EFHD2: variants seen among roughly 807,000 people sequenced by gnomAD.
EFHD2 encodes EF-hand domain family member D2.
A neutral mutation model predicts 20.3 loss-of-function variants in EFHD2; 12 were observed. That is an observed-to-expected ratio of 0.59 (90% CI 0.38 to 0.96). The LOEUF (loss-of-function observed/expected upper bound fraction) is 0.96. Among genes scored for constraint, EFHD2 ranks in the 40% least tolerant of loss-of-function variants. The probability of loss-of-function intolerance (pLI) is 0.00; values close to 1 mark genes in which losing one functional copy is unlikely to be tolerated. For synonymous variants in EFHD2, 131 were observed against 143.9 expected, an observed-to-expected ratio of 0.91 and a Z score of 0.64; for missense variants, 250 against 334.3, an observed-to-expected ratio of 0.75 and a Z score of 1.97.
At chr1:15,421,446 A>G (rs929279264) in intron 1 of EFHD2, among the ~76,000 whole-genome samples, 1 of 151,764 alleles carries the variant, frequency 6.6e-6, no homozygotes, top group Non-Finnish European at 1.5e-5. Context: ...TTGGTGATGG[A>G]CTCTTTGGCA....
chr1:15,422,957 C>T (rs1245299822), intron 1 of EFHD2, among the ~76,000 whole-genome samples: 6 of 152,156 alleles, frequency 3.9e-5, no homozygotes, highest in Non-Finnish European at 4.4e-5. Context: ...CCTTGGGAGC[C>T]CAGGGTCAGA....
At chr1:15,425,721 T>C (rs1267057826) in intron 1 of EFHD2, 150 bp from the exon 2 acceptor site, 6 of 1,102,156 alleles carry the variant, frequency 5.4e-6, no homozygotes, top group Non-Finnish European at 7.6e-6. Context: ...CACATATGGG[T>C]CCTCTGCCTG....
chr1:15,424,173 G>A (rs368901645), intron 1 of EFHD2, among the ~76,000 whole-genome samples: 5 of 149,064 alleles, frequency 3.4e-5, no homozygotes, highest in Admixed American at 1.3e-4. Flanking sequence ...GCAACACCCC[G>A]TCTCAAAAAG....
rs905559730 is a variant in EFHD2, at chr1:15,430,016, G to T, written c.*1292G>T. ...AACGACGTCACTGCTTTTTAAACTC[G>T]ATAACTCTTTATTTTAGTAAAATGC... On this transcript the variant is annotated 3_prime_UTR_variant, in exon 4 of 4. Coordinates refer to ENST00000375980, the MANE Select transcript of EFHD2 (RefSeq NM_024329.6). The T allele has an allele frequency of 6.6e-6, 1 of 152,594 alleles. No homozygotes were observed. Among genetic ancestry groups the T allele is most frequent in the African/African-American group, 2.4e-5 (1 of 41,450 alleles). The allele number at this position is 152,594 out of a possible 1,614,324, so 9.5% of individuals were successfully genotyped here. A position where few individuals can be genotyped will look rare whatever the true frequency, so the allele number is the denominator to read the frequency against.
intron 1 of EFHD2, among the ~76,000 whole-genome samples, chr1:15,424,987 A>G (rs2103279197): frequency 6.6e-6 from 1 of 152,186 alleles, no homozygotes; most frequent in East Asian, 1.9e-4. Context: ...GTCACAACTC[A>G]GGAGGGATGC....
rs1248110443 is a variant in EFHD2 at position 15,426,711 on chromosome 1, G to A, written c.457-439G>A. 6.6e-6 allele frequency among the ~76,000 whole-genome samples: 1 copy of A among 152,136 alleles called. No individual in the cohort carries two copies. Among genetic ancestry groups the A allele is most frequent in the Non-Finnish European group, 1.5e-5 (1 of 68,006 alleles). ...AGTGCAGGGTAACAGCTTAGAGTTC[G>A]AGAGCAGGGTTCCATCCCTCTGACA... On this transcript the variant is annotated intron_variant, in intron 2 of 3. Coordinates refer to ENST00000375980, the MANE Select transcript of EFHD2 (RefSeq NM_024329.6). This position sits in a 1 kb window ranked among gnomAD's most constrained non-coding sequence, Gnocchi z 4.6.
chr1:15,410,307 G>A (rs771204545), intron 1 of EFHD2, 28 bp downstream of exon 1: 11 of 1,308,034 alleles, frequency 8.4e-6, no homozygotes, highest in African/African-American at 1.6e-5. Context: ...CCGGCCCCCC[G>A]CCCGCCCCGC....
Position 15,426,011 on chromosome 1 carries a change from TC to T in EFHD2, c.451del (p.Arg151GlyfsTer5). Reference sequence around the variant, plus strand: ...GAGGACTTTGACAGCAAGCTGAGCTTCCGGGAGGTAAGCCCGGCCCCCAGCC... The same window carrying T: ...GAGGACTTTGACAGCAAGCTGAGCTTCGGGAGGTAAGCCCGGCCCCCAGCC... ...VDEDFDSKLS[F>X]REFLLIFRKA... On this transcript the variant is annotated frameshift_variant, in exon 2 of 4. Coordinates refer to ENST00000375980, the MANE Select transcript of EFHD2 (RefSeq NM_024329.6). LOFTEE classifies it high-confidence loss of function. This position sits in a 1 kb window ranked among gnomAD's most constrained non-coding sequence, Gnocchi z 4.6. 8 of 1,581,610 alleles carry T rather than the reference TC, an allele frequency of 5.1e-6. No individual in the cohort carries two copies. The highest frequency in any genetic ancestry group is 6.9e-6 in the Non-Finnish European group (8 of 1,165,852).
In EFHD2 at chr1:15,413,692, G is replaced by A. The variant is rs1402367783; in HGVS notation, c.308+3413G>A. On this transcript the variant is annotated intron_variant, in intron 1 of 3. Coordinates refer to ENST00000375980, the MANE Select transcript of EFHD2 (RefSeq NM_024329.6). The surrounding 1 kb of genome is among the most constrained non-coding windows in gnomAD (Gnocchi z 4.4). ...TGACAGAAGAGGGAACCAAGACCCAGAAAGATGTGGCGGTGACTTGCTCGG... is the reference window on the plus strand; with the variant it reads ...TGACAGAAGAGGGAACCAAGACCCAAAAAGATGTGGCGGTGACTTGCTCGG... Among the ~76,000 whole-genome samples, 1 of 152,186 alleles carries A rather than the reference G, an allele frequency of 6.6e-6. No individual in the cohort carries two copies. Among genetic ancestry groups the A allele is most frequent in the Non-Finnish European group, 1.5e-5 (1 of 68,030 alleles).
intron 1 of EFHD2, among the ~76,000 whole-genome samples, chr1:15,423,809 TC>T (rs1707830560): frequency 6.6e-6 from 1 of 152,134 alleles, no homozygotes; most frequent in Non-Finnish European, 1.5e-5. Flanking sequence ...CTGGAACACA[TC>T]CACCTGTGTT....
At chr1:15,422,085 ATT>A (rs71000400) in intron 1 of EFHD2, among the ~76,000 whole-genome samples, 31 of 86,624 alleles carry the variant, frequency 3.6e-4, no homozygotes, top group African/African-American at 1.1e-3. Context: ...AGGTCATTCC[ATT>A]TTTTTTTTTT....
intron 1 of EFHD2, among the ~76,000 whole-genome samples, chr1:15,419,853 G>C (rs879914339): frequency 6.6e-6 from 1 of 152,166 alleles, no homozygotes; most frequent in African/African-American, 2.4e-5. Flanking sequence ...GGCACCATGA[G>C]AGTAGCCCCT....
At chr1:15,425,785 T>C (rs1456783439) in intron 1 of EFHD2, 86 bp from the exon 2 acceptor site, 1 of 1,532,634 alleles carries the variant, frequency 6.5e-7, no homozygotes, top group Non-Finnish European at 8.7e-7. Context: ...GGAGATGCCC[T>C]CTGATCCCCC....
At chr1:15,417,226 A>G (rs1228364248) in intron 1 of EFHD2, among the ~76,000 whole-genome samples, 1 of 152,184 alleles carries the variant, frequency 6.6e-6, no homozygotes, top group Non-Finnish European at 1.5e-5. Context: ...AGGTTGACCT[A>G]AGGTTATCCT....
intron 3 of EFHD2, 110 bp from the exon 4 acceptor site, chr1:15,428,479 AGAGC>A (rs1401007553): frequency 7.5e-7 from 1 of 1,336,654 alleles, no homozygotes; most frequent in African/African-American, 1.5e-5. Context: ...CCTGGGCGAC[AGAGC>A]GAGACTTTGT....
chr1:15,410,160 A>C lies in EFHD2; in HGVS notation c.189A>C (p.Ala63=). 1.2e-6 allele frequency: 2 copies of C among 1,602,172 alleles called. No homozygotes were observed. The highest frequency in any genetic ancestry group is 8.5e-7 in the Non-Finnish European group (1 of 1,175,798). Residue 63 remains alanine (A), a synonymous_variant, in exon 1 of 4, where the codon GCA becomes GCC. Transcript: ENST00000375980. ...TGAGCGCCAAGCTGCTGCGGCGCGC[A>C]GACCTCAACCAGGGCATCGGCGAGC... The part of the protein sequence containing the change: ...CELSAKLLRR[A]DLNQGIGEPQ...
intron 1 of EFHD2, among the ~76,000 whole-genome samples, chr1:15,425,482 G>A (rs534754174): frequency 1.3e-5 from 2 of 151,780 alleles, no homozygotes; most frequent in Admixed American, 6.6e-5. Context: ...CCGAGATTGA[G>A]CCACTGCACT....
chr1:15,420,042 C>A lies in EFHD2; in HGVS notation c.309-5829C>A, dbSNP rs550457541. Among the ~76,000 whole-genome samples, 3 of 152,268 alleles carry A rather than the reference C, an allele frequency of 2.0e-5. No individual in the cohort carries two copies. The East Asian group carries it at 5.8e-4, about 29-fold the overall frequency. ...AGAGGAGAGGTCATGCTGGAGGGAT[C>A]CCCTGGGTCATCATGTCCACCCCTG... On this transcript the variant is annotated intron_variant, in intron 1 of 3. Transcript: ENST00000375980.
At position 15,429,461 on chromosome 1, in the gene EFHD2, C is replaced by T. The variant is rs41270249; in HGVS notation, c.*737C>T. The T allele has an allele frequency of 0.013, 1,960 of 152,496 alleles. 16 individuals are homozygous for T. The highest frequency in any genetic ancestry group is 0.023 in the Non-Finnish European group (1,550 of 67,994). 9.4% of individuals were successfully genotyped at this position (152,496 alleles called of 1,614,324 possible). A position where few individuals can be genotyped will look rare whatever the true frequency, so the allele number is the denominator to read the frequency against. ...CAGGCCCACCCCCTGCCGGGCATGC[C>T]GTGGGATCATGGGCAGGGAAGGCTC... On this transcript the variant is annotated 3_prime_UTR_variant, in exon 4 of 4. Coordinates refer to ENST00000375980, the MANE Select transcript of EFHD2 (RefSeq NM_024329.6).
Sources: allele counts gnomAD v4.1 joint callset (sites outside exome capture counted in the v4.1 genomes callset), GRCh38; gene constraint gnomAD v4.1.1; non-coding constraint Gnocchi (gnomAD v3.1); transcripts MANE v1.5; gene names NCBI Gene and HGNC (gene_info 2026-07-23, HGNC 2026-07-21).